The following BSG variants were observed in gnomAD, a reference collection of about 807,000 sequenced individuals.
BSG encodes the protein basigin (Ok blood group), also known as basigin.
A neutral mutation model predicts 43.1 loss-of-function variants in BSG; 37 were observed. The ratio of observed to expected loss-of-function variants is 0.86; its 90% CI spans 0.66 to 1.13. The LOEUF is 1.13. Among genes scored for constraint, BSG ranks in the 50% most tolerant of loss-of-function variants. The pLI is 0.00. For synonymous variants in BSG, 309 were observed against 238.7 expected, an observed-to-expected ratio of 1.29 and a Z score of -2.72; for missense variants, 599 against 554.2, an observed-to-expected ratio of 1.08 and a Z score of -0.81.
chr19:578,076 A>G lies in BSG; in HGVS notation c.370A>G (p.Arg124Gly), dbSNP rs752674371. ...TCGCAACCACCTGACCCGGGCGCCC[A>G]GGGTCAAGTGGGTCCGCGCCCAGGC... Reference protein sequence around the residue: ...PDRNHLTRAPRVKWVRAQAVV... With the variant: ...PDRNHLTRAPGVKWVRAQAVV... Residue 124 changes from arginine (R) to glycine (G), a missense_variant, in exon 2 of 9, where the codon AGG becomes GGG. By Grantham distance (125) the Arg-to-Gly change is moderately radical (BLOSUM62 -2). Transcript: ENST00000333511. 6.2e-7 allele frequency: 1 copy of G among 1,606,484 alleles called. No individual in the cohort carries two copies. Among genetic ancestry groups the G allele is most frequent in the South Asian group, 1.1e-5 (1 of 90,504 alleles).
intron 5 of BSG, 138 bp downstream of exon 5, chr19:580,920 C>T (rs1982251353): frequency 4.9e-6 from 3 of 611,858 alleles, no homozygotes; most frequent in Non-Finnish European, 2.8e-6. Context: ...GCCCTCAGGA[C>T]TGGGTGAGGG....
At position 582,916 on chromosome 19, in the gene BSG, T is replaced by G. The variant is rs1218830225; in HGVS notation, c.*172T>G. On this transcript the variant is annotated 3_prime_UTR_variant, in exon 9 of 9. Transcript: ENST00000333511. ...GTTGGGTTTTCTCCATTCAGGATTC[T>G]GTTCCTTAGGTTTTTTTCCTTCTGA... is the stretch of plus-strand genomic sequence containing the variant. The G allele has an allele frequency of 2.7e-6, 1 of 371,802 alleles. No individual in the cohort carries two copies. Among genetic ancestry groups the G allele is most frequent in the East Asian group, 5.3e-5 (1 of 18,868 alleles). 23.0% of individuals were successfully genotyped at this position (371,802 alleles called of 1,614,324 possible). A position where few individuals can be genotyped will look rare whatever the true frequency, so the allele number is the denominator to read the frequency against.
Position 582,247 on chromosome 19 carries a change from G to C in BSG, c.1070-59G>C, listed in dbSNP as rs1235630092. 5.6e-6 allele frequency: 9 copies of C among 1,598,682 alleles called. No individual in the cohort carries two copies. In the Admixed American group the frequency reaches 1.5e-4, roughly 26 times the overall value. ...ATGCCCCTGCTCGGGGCCTGAGTGG[G>C]GCCAGTGCTGACAGGCTGTCCTCTC... On this transcript the variant is annotated intron_variant, in intron 6 of 8. Coordinates refer to ENST00000333511, the MANE Select transcript of BSG (RefSeq NM_001728.4).
chr19:577,651 G>A, intron 1 of BSG, 123 bp from the exon 2 acceptor site: 1 of 790,840 alleles, frequency 1.3e-6, no homozygotes, highest in Non-Finnish European at 1.8e-6. Context: ...TCTCCCACAA[G>A]CTGAAAGGAA....
chr19:579,248 G>A, intron 2 of BSG: 1 of 600,358 alleles, frequency 1.7e-6, no homozygotes. Flanking sequence ...CCAGCTGCCA[G>A]CGAAGGGTGC....
upstream of BSG, chr19:572,297 CG>C: frequency 5.2e-6 from 4 of 763,074 alleles, no homozygotes; most frequent in Non-Finnish European, 6.4e-6. Context: ...CCCCCTCGGG[CG>C]CACCGCTCTG....
At chr19:579,776 G>T (rs1170724297) in intron 3 of BSG, 120 bp downstream of exon 3, 18 of 1,429,842 alleles carry the variant, frequency 1.3e-5, no homozygotes, top group Non-Finnish European at 1.6e-5. Flanking sequence ...GCGGAAGTTA[G>T]GGACCAGCTC....
chr19:581,834 G>A (rs995505778), intron 6 of BSG, among the ~76,000 whole-genome samples: 7 of 152,264 alleles, frequency 4.6e-5, no homozygotes, highest in Non-Finnish European at 1.0e-4. Flanking sequence ...GCCTCACCCG[G>A]CCCTTCCCTC....
intron 3 of BSG, 183 bp downstream of exon 3, chr19:579,839 T>A: frequency 1.1e-6 from 1 of 916,902 alleles, no homozygotes; most frequent in Non-Finnish European, 1.6e-6. Flanking sequence ...GGCGTCCTTG[T>A]GAGGCAGGGG....
intron 1 of BSG, among the ~76,000 whole-genome samples, chr19:576,502 C>T (rs1341713945): frequency 1.3e-5 from 2 of 152,240 alleles, no homozygotes; most frequent in Non-Finnish European, 2.9e-5. Flanking sequence ...TGGCTCACGC[C>T]TGTAATCCCA....
intron 3 of BSG, 157 bp downstream of exon 3, chr19:579,813 A>AG: frequency 8.2e-7 from 1 of 1,225,410 alleles, no homozygotes; most frequent in Non-Finnish European, 1.1e-6. Context: ...GGGAAACCCC[A>AG]GGGAGGGGTC....
intron 2 of BSG, chr19:578,854 C>T (rs1982016635): frequency 2.7e-6 from 1 of 366,388 alleles, no homozygotes; most frequent in African/African-American, 2.1e-5. Context: ...CCTCAGCCTC[C>T]TGAGTAGCTG....
In BSG at chr19:579,169, C is replaced by T. The variant is rs749332337; in HGVS notation, c.416-331C>T. 50 of 492,986 alleles carry T rather than the reference C, an allele frequency of 1.0e-4. 1 individual carries two copies. Among genetic ancestry groups the T allele is most frequent in the South Asian group, 6.0e-4 (39 of 64,908 alleles). 30.5% of individuals were successfully genotyped at this position (492,986 alleles called of 1,614,324 possible). ...TGTCCCCACACCCTGGTCCCAGCCT[C>T]GTGTGTCTCTGGGCAGGAACATCGC... On this transcript the variant is annotated intron_variant, in intron 2 of 8. Coordinates refer to ENST00000333511, the MANE Select transcript of BSG (RefSeq NM_001728.4).
chr19:579,594 C>G lies in BSG; in HGVS notation c.510C>G (p.Arg170=). 1 of 1,612,660 alleles carries G rather than the reference C, an allele frequency of 6.2e-7. No individual in the cohort carries two copies. Among genetic ancestry groups the G allele is most frequent in the Non-Finnish European group, 8.5e-7 (1 of 1,179,892 alleles). The change falls in exon 3 of 9, where the codon CGC becomes CGG. Residue 170 remains arginine (R), a synonymous_variant. Transcript: ENST00000333511. ...GCGCCACAGAGGTCACAGGGCACCG[C>G]TGGCTGAAGGGGGGCGTGGTGCTGA... ...NDSATEVTGH[R]WLKGGVVLKE...
intron 6 of BSG, 127 bp from the exon 7 acceptor site, chr19:582,179 G>C (rs1418491466): frequency 2.3e-6 from 3 of 1,308,952 alleles, no homozygotes; most frequent in Non-Finnish European, 3.2e-6. Context: ...GAGCTGCCCC[G>C]AGCCACCCCT....
rs2145883046 is a variant in BSG, at chr19:572,697, G to A, written c.63G>A (p.Gly21=). 6.7e-7 allele frequency: 1 copy of A among 1,482,334 alleles called. No individual in the cohort carries two copies. Among genetic ancestry groups the A allele is most frequent in the East Asian group, 2.9e-5 (1 of 34,512 alleles). The allele number at this position is 1,482,334 out of a possible 1,614,324, so 91.8% of individuals were successfully genotyped here. ...FALLGTHGAS[G]AAGFVQAPLS... is the part of the protein sequence containing the mutation. ...TGCTGGGCACCCACGGAGCCTCCGGGGCTGGTGAGGAGCGGGTAGGGGGCG... is the reference window on the plus strand; with the variant it reads ...TGCTGGGCACCCACGGAGCCTCCGGAGCTGGTGAGGAGCGGGTAGGGGGCG... The change falls in exon 1 of 9, where the codon GGG becomes GGA. Residue 21 remains glycine (G), a synonymous_variant. Transcript: ENST00000333511.
At chr19:575,284 G>C (rs868585497) in intron 1 of BSG, 1 of 152,388 alleles carries the variant, frequency 6.6e-6, no homozygotes, top group African/African-American at 2.4e-5. Context: ...TGGCCCGTGT[G>C]GGGTGGACAC....
chr19:581,651 T>C (rs778053585), intron 6 of BSG, 60 bp downstream of exon 6: 45 of 1,496,582 alleles, frequency 3.0e-5, no homozygotes, highest in Non-Finnish European at 3.8e-5. Flanking sequence ...GGGCCACTCC[T>C]GGTCCGTCCC....
At chr19:571,451 C>T, upstream of BSG, 1 of 756,212 alleles carries the variant, frequency 1.3e-6, no homozygotes, top group South Asian at 1.4e-5. Flanking sequence ...GTGGTCGCCG[C>T]GGAACTTCAA....
Sources: gnomAD v4.1 joint callset for allele counts (sites outside exome capture counted in the v4.1 genomes callset) on GRCh38, gnomAD v4.1.1 for gene constraint, MANE v1.5 for transcripts, NCBI Gene and HGNC (gene_info 2026-07-23, HGNC 2026-07-21) for gene names.